Variants in LIPI observed in about 807,000 individuals in gnomAD.
The protein encoded by LIPI is lipase member I.
Under a neutral mutation model 50.6 loss-of-function variants are expected in LIPI, and 59 were observed. That is an observed-to-expected ratio of 1.16 (90% CI 0.94 to 1.45). LIPI has a LOEUF of 1.45. Among genes scored for constraint, LIPI ranks in the 40% most tolerant of loss-of-function variants. LIPI has a pLI of 0.00. For synonymous variants in LIPI, 203 were observed against 178.2 expected, an observed-to-expected ratio of 1.14 and a Z score of -1.11; for missense variants, 586 against 536.3, an observed-to-expected ratio of 1.09 and a Z score of -0.92.
chr21:14,154,068 A>G (rs1458267755), intron 7 of LIPI, among the ~76,000 whole-genome samples: 1 of 152,136 alleles, frequency 6.6e-6, no homozygotes, highest in Non-Finnish European at 1.5e-5. Flanking sequence ...TATATCAAAG[A>G]TAGACATGAA....
chr21:14,179,478 A>G (rs1014597630), intron 4 of LIPI, among the ~76,000 whole-genome samples: 2 of 152,158 alleles, frequency 1.3e-5, no homozygotes, highest in Admixed American at 1.3e-4. Flanking sequence ...CAAATATAAG[A>G]CAATCCAAGA....
At chr21:14,159,392 A>C (rs1206818355) in intron 7 of LIPI, among the ~76,000 whole-genome samples, 2 of 151,508 alleles carry the variant, frequency 1.3e-5, no homozygotes, top group African/African-American at 4.8e-5. Context: ...AAACTAAAGA[A>C]AAAAATTATA....
intron 9 of LIPI, among the ~76,000 whole-genome samples, chr21:14,128,247 A>T (rs1270833115): frequency 6.6e-6 from 1 of 152,114 alleles, no homozygotes; most frequent in Non-Finnish European, 1.5e-5. Flanking sequence ...TTGCAGAATT[A>T]CATATGAATT....
At chr21:14,114,100 C>T (rs1217267629) in intron 9 of LIPI, among the ~76,000 whole-genome samples, 6 of 151,906 alleles carry the variant, frequency 3.9e-5, no homozygotes, top group Non-Finnish European at 8.8e-5. Context: ...ATCACTTCAA[C>T]CCGGGAGGCA....
intron 9 of LIPI, among the ~76,000 whole-genome samples, chr21:14,117,846 A>G (rs2016713107): frequency 6.6e-6 from 1 of 152,090 alleles, no homozygotes; most frequent in Non-Finnish European, 1.5e-5. Flanking sequence ...ATGAAAAAGC[A>G]AAGTGGGAGG....
chr21:14,145,792 C>T (rs1053414327), intron 8 of LIPI, among the ~76,000 whole-genome samples: 2 of 152,140 alleles, frequency 1.3e-5, no homozygotes, highest in African/African-American at 4.8e-5. Context: ...GTGACAATCA[C>T]ACAGAGAACA....
chr21:14,170,322 C>A (rs1270028368), intron 4 of LIPI, among the ~76,000 whole-genome samples: 1 of 152,148 alleles, frequency 6.6e-6, no homozygotes, highest in Non-Finnish European at 1.5e-5. Context: ...TGAAACTATT[C>A]CAATCAATAG....
intron 8 of LIPI, among the ~76,000 whole-genome samples, chr21:14,151,795 C>T (rs372725623): frequency 2.6e-5 from 4 of 152,104 alleles, no homozygotes; most frequent in East Asian, 3.9e-4. Flanking sequence ...AAAATATGTA[C>T]ACACACTTGC....
intron 1 of LIPI, among the ~76,000 whole-genome samples, chr21:14,193,570 G>A (rs144071306): frequency 1.3e-5 from 2 of 152,220 alleles, no homozygotes; most frequent in African/African-American, 2.4e-5. Flanking sequence ...AATGCAAAAT[G>A]TAACTAAAAG....
intron 4 of LIPI, among the ~76,000 whole-genome samples, chr21:14,178,018 G>A (rs1329699616): frequency 6.6e-6 from 1 of 152,084 alleles, no homozygotes; most frequent in African/African-American, 2.4e-5. Flanking sequence ...CCATATGGAA[G>A]CAATCATTCT....
At position 14,163,378 on chromosome 21, in the gene LIPI, A is replaced by C. The variant is rs757569070; in HGVS notation, c.1006+41T>G. The C allele has an allele frequency of 4.6e-5, 45 of 982,988 alleles. 1 individual carries two copies. The highest frequency in any genetic ancestry group is 1.6e-4 in the South Asian group (12 of 77,076). The allele number at this position is 982,988 out of a possible 1,614,324, so 60.9% of individuals were successfully genotyped here. A position where few individuals can be genotyped will look rare whatever the true frequency, so the allele number is the denominator to read the frequency against. ...TCAAATGTAGATTAGTGCAAAAAAAACTAAAAATTTGTTTATTTGTTAAAA... is the reference window on the plus strand; with the variant it reads ...TCAAATGTAGATTAGTGCAAAAAAACCTAAAAATTTGTTTATTTGTTAAAA... On this transcript the variant is annotated intron_variant, in intron 7 of 9. Transcript: ENST00000681601.
At chr21:14,163,590 A>G (rs1253627148) in intron 6 of LIPI, 67 bp from the exon 7 acceptor site, 37 of 798,932 alleles carry the variant, frequency 4.6e-5, no homozygotes, top group Non-Finnish European at 6.6e-5. Flanking sequence ...TCAAATCACT[A>G]AAGTAACTAA....
intron 9 of LIPI, 113 bp from the exon 10 acceptor site, chr21:14,109,193 T>C: frequency 1.2e-6 from 1 of 818,518 alleles, no homozygotes; most frequent in Non-Finnish European, 2.1e-6. Context: ...TAGCTAGTTC[T>C]CTAAATGTAG....
At chr21:14,144,856 C>A (rs2017846170) in intron 8 of LIPI, 57 bp from the exon 9 acceptor site, 1 of 1,242,554 alleles carries the variant, frequency 8.0e-7, no homozygotes, top group Non-Finnish European at 1.2e-6. Context: ...TAACTCAATT[C>A]TAAAATCAAT....
At chr21:14,129,348 T>C (rs902783893) in intron 9 of LIPI, among the ~76,000 whole-genome samples, 1 of 152,112 alleles carries the variant, frequency 6.6e-6, no homozygotes, top group Non-Finnish European at 1.5e-5. Flanking sequence ...ATTGAATGCA[T>C]TTATATATAT....
chr21:14,195,089 A>T (rs550292805), intron 1 of LIPI, among the ~76,000 whole-genome samples: 2 of 152,118 alleles, frequency 1.3e-5, no homozygotes, highest in Non-Finnish European at 2.9e-5. Flanking sequence ...TCAATTAATC[A>T]GAGTATAGCA....
intron 5 of LIPI, among the ~76,000 whole-genome samples, chr21:14,165,860 G>C (rs528184851): frequency 6.6e-6 from 1 of 152,300 alleles, no homozygotes; most frequent in Non-Finnish European, 1.5e-5. Context: ...TTGGTCACGT[G>C]TTATTTGACC....
chr21:14,160,391 C>T (rs967127867), intron 7 of LIPI, among the ~76,000 whole-genome samples: 7 of 151,044 alleles, frequency 4.6e-5, no homozygotes, highest in African/African-American at 1.5e-4. Context: ...TATTATATAT[C>T]TCATCTACAG....
chr21:14,196,729 G>A (rs377203706), intron 1 of LIPI, among the ~76,000 whole-genome samples: 3 of 152,188 alleles, frequency 2.0e-5, no homozygotes, highest in East Asian at 3.9e-4. Context: ...AGGAGGCTGA[G>A]GTAGGAGGAT....
Sources: allele counts gnomAD v4.1 joint callset (sites outside exome capture counted in the v4.1 genomes callset), GRCh38; gene constraint gnomAD v4.1.1; transcripts MANE v1.5; gene names NCBI Gene and HGNC (gene_info 2026-07-23, HGNC 2026-07-21).